ABI3BP: variants seen among roughly 807,000 people sequenced by gnomAD.
ABI3BP encodes ABI family member 3 binding protein, also known as target of Nesh-SH3.
Under a neutral mutation model 268.6 loss-of-function variants are expected in ABI3BP, and 216 were observed. The ratio of observed to expected loss-of-function variants is 0.80; its 90% CI spans 0.72 to 0.90. The LOEUF (loss-of-function observed/expected upper bound fraction) is 0.90. Among genes scored for constraint, ABI3BP ranks in the 40% least tolerant of loss-of-function variants. The probability of loss-of-function intolerance (pLI) is 0.00; values close to 1 mark genes in which losing one functional copy is unlikely to be tolerated. For missense variants in ABI3BP, 2,090 were observed against 2,182.4 expected (o/e 0.96, Z 0.84); for synonymous variants, 730 against 730.0 (o/e 1.00, Z 0.00).
intron 4 of ABI3BP, among the ~76,000 whole-genome samples, chr3:100,890,698 TATTATAGTAAAACCTTATG>T (rs757868765): frequency 3.3e-5 from 5 of 152,176 alleles, no homozygotes; most frequent in African/African-American, 4.8e-5. Context: ...CTGACCTCTT[TATTATAGTAAAACCTTATG>T]ACCAAATTAC....
chr3:100,749,209 TAAAC>T lies in ABI3BP; in HGVS notation c.*1282_*1285del, dbSNP rs5851220. 0.043 allele frequency: 4,538 copies of T among 105,124 alleles called. 183 individuals carry two copies. Among genetic ancestry groups the T allele is most frequent in the African/African-American group, 0.14 (3,797 of 27,212 alleles). The allele number at this position is 105,124 out of a possible 1,614,324, so 6.5% of individuals were successfully genotyped here. ...TAGGATGAAAGGTTAATTTAGGACA[TAAAC>T]AAACAGTAGATATAATGGGGGTTGG... is the stretch of plus-strand genomic sequence containing the variant. On this transcript the variant is annotated 3_prime_UTR_variant, in exon 68 of 68. Transcript: ENST00000471714.
intron 8 of ABI3BP, 42 bp downstream of exon 8, chr3:100,875,466 C>A: frequency 3.5e-6 from 5 of 1,448,024 alleles, no homozygotes; most frequent in Non-Finnish European, 4.8e-6. Flanking sequence ...AAAAGATAGC[C>A]CGATTTGCTT....
At chr3:100,813,056 T>C (rs184442577) in intron 45 of ABI3BP, among the ~76,000 whole-genome samples, 4 of 152,236 alleles carry the variant, frequency 2.6e-5, no homozygotes, top group African/African-American at 9.6e-5. Context: ...AATTTTTGTA[T>C]CTTTTGTAGA....
intron 8 of ABI3BP, 77 bp from the exon 9 acceptor site, chr3:100,875,010 T>C (rs2099146405): frequency 1.3e-6 from 1 of 778,326 alleles, no homozygotes; most frequent in South Asian, 1.9e-5. Flanking sequence ...GCACATCAGA[T>C]ATTACAAACT....
intron 57 of ABI3BP, among the ~76,000 whole-genome samples, chr3:100,786,859 A>G (rs926346033): frequency 6.6e-6 from 1 of 152,182 alleles, no homozygotes; most frequent in African/African-American, 2.4e-5. Flanking sequence ...GTGAATTCCT[A>G]GAAATTCAGA....
intron 63 of ABI3BP, among the ~76,000 whole-genome samples, chr3:100,758,259 CT>C (rs1433533758): frequency 6.6e-6 from 1 of 152,108 alleles, no homozygotes; most frequent in Admixed American, 6.6e-5. Context: ...TCAGTTTACT[CT>C]TACATAAAAA....
In ABI3BP at chr3:100,822,597, G is replaced by C; in HGVS notation, c.2879C>G (p.Ser960Cys). ...AGGAACACATAGTTTACCTGGTTTG[G>C]ATTCAGGTGCTTCAGGACGTGGTGT... Reference protein sequence around the residue: ...KTTPRPEAPESKPVPTAELKP... With the variant: ...KTTPRPEAPECKPVPTAELKP... The change falls in exon 38 of 68, where the codon TCC (serine) becomes TGC (cysteine). Residue 960 changes from serine to cysteine, a missense_variant. Ser to Cys is a moderately radical substitution (Grantham distance 112, BLOSUM62 -1). Coordinates refer to ENST00000471714, the MANE Select transcript of ABI3BP (RefSeq NM_001375547.2). 6.5e-7 allele frequency: 1 copy of C among 1,536,450 alleles called. No individual in the cohort carries two copies. The highest frequency in any genetic ancestry group is 8.7e-7 in the Non-Finnish European group (1 of 1,146,870).
chr3:100,874,813 A>C (rs2099144398), intron 9 of ABI3BP, 28 bp downstream of exon 9: 1 of 1,394,846 alleles, frequency 7.2e-7, no homozygotes, highest in African/African-American at 1.4e-5. Flanking sequence ...GTTACTGCAA[A>C]GTTCAAATAC....
intron 1 of ABI3BP, among the ~76,000 whole-genome samples, chr3:100,979,430 A>G (rs1263403837): frequency 6.6e-6 from 1 of 152,166 alleles, no homozygotes; most frequent in African/African-American, 2.4e-5. Context: ...TTAAAAGAAG[A>G]TTACTCTCAC....
chr3:100,900,873 T>C (rs1030915797), intron 3 of ABI3BP, among the ~76,000 whole-genome samples: 3 of 152,222 alleles, frequency 2.0e-5, no homozygotes, highest in African/African-American at 7.2e-5. Flanking sequence ...GCTAGTGTCA[T>C]AGAATCCTCA....
At chr3:100,861,822 C>T (rs565578132) in intron 14 of ABI3BP, among the ~76,000 whole-genome samples, 25 of 152,270 alleles carry the variant, frequency 1.6e-4, no homozygotes, top group African/African-American at 5.8e-4. Flanking sequence ...TATTATCAAC[C>T]GCAAGGACCT....
At chr3:100,880,548 ACTGATTTT>A (rs1197834842) in intron 6 of ABI3BP, among the ~76,000 whole-genome samples, 1 of 152,168 alleles carries the variant, frequency 6.6e-6, no homozygotes, top group East Asian at 1.9e-4. Flanking sequence ...GTTTATTTTT[ACTGATTTT>A]CTGGGACACT....
intron 20 of ABI3BP, chr3:100,843,599 GGAGA>G: frequency 1.0e-6 from 1 of 982,126 alleles, no homozygotes; most frequent in Non-Finnish European, 1.2e-6. Context: ...TCTGGGAGAT[GGAGA>G]GAGAGAGGAG....
chr3:100,949,631 G>C (rs952345586), intron 1 of ABI3BP, among the ~76,000 whole-genome samples: 3 of 152,100 alleles, frequency 2.0e-5, no homozygotes, highest in Non-Finnish European at 4.4e-5. Context: ...ATCTTATAAA[G>C]TTCGAGCTCA....
intron 8 of ABI3BP, 54 bp downstream of exon 8, chr3:100,875,454 T>C: frequency 1.4e-6 from 2 of 1,400,552 alleles, no homozygotes; most frequent in Non-Finnish European, 1.0e-6. Flanking sequence ...AGCCCTATCC[T>C]CAAAAGATAG....
chr3:100,823,875 C>G (rs1275640482), intron 36 of ABI3BP, among the ~76,000 whole-genome samples: 1 of 152,130 alleles, frequency 6.6e-6, no homozygotes, highest in Admixed American at 6.5e-5. Flanking sequence ...CTCTGTACTT[C>G]TGAATATTAG....
rs116503968 is a variant in ABI3BP at position 100,753,911 on chromosome 3, T to C, written c.4931-63A>G. 1,514 of 1,506,204 alleles carry C rather than the reference T, an allele frequency of 1.0e-3. 17 individuals carry two copies. The African/African-American group carries it at 0.018, about 18-fold the overall frequency. The allele number at this position is 1,506,204 out of a possible 1,614,324, so 93.3% of individuals were successfully genotyped here. Reference sequence around the variant, plus strand: ...GTAAAACCCCAACATTCCAGTGGCATGGTGAAGATGATGGGGGCTTACACT... The same window carrying C: ...GTAAAACCCCAACATTCCAGTGGCACGGTGAAGATGATGGGGGCTTACACT... On this transcript the variant is annotated intron_variant, in intron 64 of 67. Coordinates refer to ENST00000471714, the MANE Select transcript of ABI3BP (RefSeq NM_001375547.2).
At chr3:100,813,083 G>C (rs531552847) in intron 45 of ABI3BP, among the ~76,000 whole-genome samples, 2 of 152,098 alleles carry the variant, frequency 1.3e-5, no homozygotes, top group Non-Finnish European at 2.9e-5. Context: ...GTTTTGCCAT[G>C]TTGCCAAGGC....
chr3:100,795,750 C>A, intron 53 of ABI3BP, 54 bp downstream of exon 53: 1 of 1,217,846 alleles, frequency 8.2e-7, no homozygotes. Flanking sequence ...GAAAGGCCTG[C>A]AATCTTGATG....
Sources: gnomAD v4.1 joint callset for allele counts (sites outside exome capture counted in the v4.1 genomes callset) on GRCh38, gnomAD v4.1.1 for gene constraint, MANE v1.5 for transcripts, NCBI Gene and HGNC (gene_info 2026-07-23, HGNC 2026-07-21) for gene names.